LGSN: variants seen among roughly 807,000 people sequenced by gnomAD.
LGSN encodes lengsin, lens protein with glutamine synthetase domain.
Under a neutral mutation model 19.5 loss-of-function variants are expected in LGSN, and 21 were observed. The ratio of observed to expected loss-of-function variants is 1.07; its 90% CI spans 0.76 to 1.55. LGSN has a LOEUF of 1.55. LGSN is among the 40% of genes most tolerant of loss of function. LGSN has a pLI of 0.00. For missense variants in LGSN, 673 were observed against 608.5 expected, an observed-to-expected ratio of 1.11 and a Z score of -1.12; for synonymous variants, 257 against 215.6, an observed-to-expected ratio of 1.19 and a Z score of -1.68.
At chr6:63,525,648 C>A in the LGSN span, among the ~76,000 whole-genome samples, 2 of 152,202 alleles carry the variant, frequency 1.3e-5, no homozygotes, top group Non-Finnish European at 2.9e-5. Flanking sequence ...GGTCTGGATT[C>A]CAGCTTCCAC....
chr6:63,462,749 T>C, the LGSN span, among the ~76,000 whole-genome samples: 1 of 151,506 alleles, frequency 6.6e-6, no homozygotes, highest in Non-Finnish European at 1.5e-5. Flanking sequence ...GTACTTGCCA[T>C]AAGTTCAAAT....
chr6:63,565,522 G>A, the LGSN span, among the ~76,000 whole-genome samples: 14 of 152,078 alleles, frequency 9.2e-5, no homozygotes, highest in African/African-American at 3.1e-4. Context: ...TTGATATGAT[G>A]ACTTGATAAG....
At chr6:63,346,156 A>T in the LGSN span, among the ~76,000 whole-genome samples, 2 of 151,832 alleles carry the variant, frequency 1.3e-5, no homozygotes, top group African/African-American at 4.8e-5. Flanking sequence ...AAGGTCTTTG[A>T]CACAGAGCTC....
At chr6:63,362,145 T>G in the LGSN span, among the ~76,000 whole-genome samples, 1 of 152,198 alleles carries the variant, frequency 6.6e-6, no homozygotes, top group Non-Finnish European at 1.5e-5. Flanking sequence ...AGGACCTGCC[T>G]GAGGTTGTTT....
At chr6:63,371,715 A>G in the LGSN span, among the ~76,000 whole-genome samples, 2 of 152,184 alleles carry the variant, frequency 1.3e-5, no homozygotes, top group East Asian at 1.9e-4. Flanking sequence ...TATTAGTCAA[A>G]TAGGGAATGA....
the LGSN span, among the ~76,000 whole-genome samples, chr6:63,456,186 C>T: frequency 4.5e-3 from 673 of 151,024 alleles, 3 homozygotes; most frequent in African/African-American, 0.016. Flanking sequence ...GCCAAGATCA[C>T]GCCACTGTAC....
chr6:63,393,434 C>G, the LGSN span, among the ~76,000 whole-genome samples: 1 of 152,132 alleles, frequency 6.6e-6, no homozygotes, highest in Non-Finnish European at 1.5e-5. Context: ...CCACCTCAGC[C>G]TCCCAAAGTG....
chr6:63,483,354 T>G, the LGSN span, among the ~76,000 whole-genome samples: 3 of 145,812 alleles, frequency 2.1e-5, no homozygotes, highest in Non-Finnish European at 3.0e-5. Flanking sequence ...TAGGGAGAAG[T>G]GGAAAAGGAA....
At chr6:63,287,323 A>G (rs952040188) in intron 2 of LGSN, among the ~76,000 whole-genome samples, 15 of 152,340 alleles carry the variant, frequency 9.8e-5, no homozygotes, top group African/African-American at 2.9e-4. Context: ...CTGTATTCCC[A>G]ACCTACACTG....
chr6:63,407,781 T>G, the LGSN span, among the ~76,000 whole-genome samples: 1 of 152,086 alleles, frequency 6.6e-6, no homozygotes, highest in Non-Finnish European at 1.5e-5. Flanking sequence ...TAGAAAACCC[T>G]ATTGTCTCAG....
At chr6:63,430,331 C>T in the LGSN span, among the ~76,000 whole-genome samples, 2 of 152,164 alleles carry the variant, frequency 1.3e-5, no homozygotes, top group East Asian at 1.9e-4. Flanking sequence ...CTGGGTGCTT[C>T]ATTGATATCT....
the LGSN span, among the ~76,000 whole-genome samples, chr6:63,456,392 T>TATATAC: frequency 8.5e-6 from 1 of 117,594 alleles, no homozygotes; most frequent in African/African-American, 3.5e-5. Context: ...TATATATATA[T>TATATAC]ACTTTTTTTT....
chr6:63,571,971 C>G, the LGSN span: 1 of 152,106 alleles, frequency 6.6e-6, no homozygotes, highest in African/African-American at 2.4e-5. Flanking sequence ...TATTTGATGA[C>G]GAAGGTACTC....
the LGSN span, among the ~76,000 whole-genome samples, chr6:63,573,052 G>A: frequency 6.6e-6 from 1 of 152,090 alleles, no homozygotes; most frequent in African/African-American, 2.4e-5. Context: ...TCCGCAGCGG[G>A]CCGGGTGGGT....
the LGSN span, among the ~76,000 whole-genome samples, chr6:63,394,662 C>T: frequency 6.6e-6 from 1 of 152,252 alleles, no homozygotes; most frequent in Non-Finnish European, 1.5e-5. Flanking sequence ...AATAAACTCG[C>T]TTTCACTTTA....
chr6:63,461,924 A>G, the LGSN span, among the ~76,000 whole-genome samples: 10 of 152,340 alleles, frequency 6.6e-5, no homozygotes, highest in Admixed American at 5.2e-4. Flanking sequence ...AAGTATGAAC[A>G]TAGATTCTGC....
At chr6:63,336,200 C>A in the LGSN span, among the ~76,000 whole-genome samples, 1 of 151,960 alleles carries the variant, frequency 6.6e-6, no homozygotes, top group African/African-American at 2.4e-5. Flanking sequence ...AAGTTAACAA[C>A]AATGTTTTGT....
the LGSN span, among the ~76,000 whole-genome samples, chr6:63,380,518 G>C: frequency 6.6e-6 from 1 of 152,286 alleles, no homozygotes; most frequent in East Asian, 1.9e-4. Flanking sequence ...TCTGCTGTTT[G>C]ACAGGTGGAG....
chr6:63,298,507 T>C (rs1768065006), intron 1 of LGSN, among the ~76,000 whole-genome samples: 1 of 152,016 alleles, frequency 6.6e-6, no homozygotes, highest in African/African-American at 2.4e-5. Context: ...TTCTATCCCT[T>C]TTGTTTCTTT....
Sources: allele counts gnomAD v4.1 joint callset (sites outside exome capture counted in the v4.1 genomes callset), GRCh38; gene constraint gnomAD v4.1.1; transcripts MANE v1.5; gene names NCBI Gene and HGNC (gene_info 2026-07-23, HGNC 2026-07-21).